CABIN1: variants seen among roughly 807,000 people sequenced by gnomAD.
CABIN1 encodes the protein calcineurin-binding protein cabin-1.
In CABIN1, 133 loss-of-function variants were observed where a neutral mutation model predicts 227.7. That is an observed-to-expected ratio of 0.58 (90% CI 0.51 to 0.67). The LOEUF is 0.67. CABIN1 is among the 30% of genes least tolerant of loss of function. The pLI is 0.00. For missense variants in CABIN1, 2,408 were observed against 2,852.5 expected (o/e 0.84, Z 3.55); for synonymous variants, 1,086 against 1,155.1 (o/e 0.94, Z 1.21).
At chr22:24,126,123 C>G (rs2043708491) in intron 28 of CABIN1, among the ~76,000 whole-genome samples, 1 of 152,194 alleles carries the variant, frequency 6.6e-6, no homozygotes, top group South Asian at 2.1e-4. Flanking sequence ...TCGTGTGCTC[C>G]CCCCAGTGTG....
At chr22:24,025,534 A>G (rs931557143) in intron 1 of CABIN1, among the ~76,000 whole-genome samples, 1 of 152,204 alleles carries the variant, frequency 6.6e-6, no homozygotes, top group Non-Finnish European at 1.5e-5. Context: ...TGCTATCCCT[A>G]TAGCCGTGAG....
rs770962925 is a variant in CABIN1, at chr22:24,171,717, C to T, written c.5762C>T (p.Ser1921Leu). ...HLGAAAQRQA[S>L]GDTPTTPKHP... ...ACCTCTTGTTTGTCCTCACAGGCCT[C>T]GGGGGACACCCCCACCACTCCAAAG... is the stretch of plus-strand genomic sequence containing the variant. Residue 1921 changes from serine to leucine, a missense_variant, in exon 34 of 37, where the codon TCG becomes TTG. Transcript: ENST00000263119. 1.1e-5 allele frequency: 17 copies of T among 1,613,948 alleles called. No homozygotes were observed. The highest frequency in any genetic ancestry group is 2.2e-5 in the East Asian group (1 of 44,890).
chr22:24,165,308 C>G (rs2046382799), intron 30 of CABIN1, among the ~76,000 whole-genome samples: 3 of 152,226 alleles, frequency 2.0e-5, no homozygotes, highest in African/African-American at 7.2e-5. Context: ...TGCAGAGGGC[C>G]TAAGGGCAAC....
chr22:24,107,595 C>G (rs1352923178), intron 26 of CABIN1, among the ~76,000 whole-genome samples: 1 of 152,252 alleles, frequency 6.6e-6, no homozygotes, highest in Non-Finnish European at 1.5e-5. Flanking sequence ...CTTGCCCACA[C>G]AGTTCCTGGT....
rs748404242 is a variant in CABIN1 at position 24,055,159 on chromosome 22, G to A, written c.1093G>A (p.Gly365Ser). ...TCTGTTGGAGACAGGCGCTCCTGTG[G>A]GTAAGCAGGCCCCCTGAATTTGGCT... ...PGLLETGAPV[G>S]DISGGDKSKK... Residue 365 changes from glycine (G) to serine (S), a missense_variant and splice_region_variant, in exon 9 of 37, where the codon GGT (glycine) becomes AGT (serine). Gly to Ser is a moderately conservative substitution (Grantham distance 56, BLOSUM62 0). Coordinates refer to ENST00000263119, the MANE Select transcript of CABIN1 (RefSeq NM_012295.4). 6.2e-7 allele frequency: 1 copy of A among 1,609,938 alleles called. No homozygotes were observed. The highest frequency in any genetic ancestry group is 1.1e-5 in the South Asian group (1 of 91,082).
At chr22:24,167,423 G>A (rs1015358370) in intron 32 of CABIN1, 110 bp downstream of exon 32, 18 of 1,002,974 alleles carry the variant, frequency 1.8e-5, no homozygotes, top group Non-Finnish European at 2.5e-5. Context: ...GCGGGTTTTA[G>A]GTGTTGTTCC....
chr22:24,109,522 A>G (rs1222026838), intron 26 of CABIN1, among the ~76,000 whole-genome samples: 2 of 151,990 alleles, frequency 1.3e-5, no homozygotes, highest in African/African-American at 2.4e-5. Flanking sequence ...AAACAAGTTT[A>G]TATGTTGTTT....
chr22:24,044,914 A>G (rs1006349678), intron 6 of CABIN1, among the ~76,000 whole-genome samples: 1 of 149,734 alleles, frequency 6.7e-6, no homozygotes, highest in Non-Finnish European at 1.5e-5. Flanking sequence ...CTGAGCCCTC[A>G]TCAGAATCAC....
intron 29 of CABIN1, among the ~76,000 whole-genome samples, chr22:24,153,272 C>T (rs1448995811): frequency 6.6e-6 from 1 of 152,204 alleles, no homozygotes; most frequent in South Asian, 2.1e-4. Context: ...CTCCTGGGCT[C>T]CTTAGGTTGG....
intron 33 of CABIN1, among the ~76,000 whole-genome samples, chr22:24,169,852 G>A (rs1383818231): frequency 1.3e-5 from 2 of 152,238 alleles, no homozygotes; most frequent in Non-Finnish European, 2.9e-5. Flanking sequence ...CTACTGAGTT[G>A]GCAGGAGCCA....
At chr22:24,019,490 A>G (rs771931915) in intron 1 of CABIN1, among the ~76,000 whole-genome samples, 19 of 151,878 alleles carry the variant, frequency 1.3e-4, no homozygotes, top group Non-Finnish European at 2.6e-4. Flanking sequence ...GCTGACCTCA[A>G]GCAATCCACC....
intron 29 of CABIN1, among the ~76,000 whole-genome samples, chr22:24,138,036 T>C (rs940852941): frequency 6.6e-6 from 1 of 152,194 alleles, no homozygotes; most frequent in Non-Finnish European, 1.5e-5. Context: ...CTAATCCCTA[T>C]CCCTCTCAAC....
At chr22:24,015,123 G>A (rs993660173) in intron 1 of CABIN1, among the ~76,000 whole-genome samples, 22 of 151,608 alleles carry the variant, frequency 1.5e-4, no homozygotes, top group African/African-American at 4.4e-4. Context: ...AAAATTAGCC[G>A]GGTGTGGTGG....
intron 15 of CABIN1, 45 bp from the exon 16 acceptor site, chr22:24,066,942 G>T (rs763224393): frequency 1.9e-5 from 30 of 1,590,340 alleles, no homozygotes; most frequent in Non-Finnish European, 2.6e-5. Context: ...GTGGGGCAGG[G>T]GCTGAGGGGT....
chr22:24,033,989 A>T (rs542111716), intron 1 of CABIN1, among the ~76,000 whole-genome samples: 3 of 151,974 alleles, frequency 2.0e-5, no homozygotes, highest in Admixed American at 2.0e-4. Flanking sequence ...TTGGAAGACA[A>T]TTTTTCCACG....
Position 24,166,631 on chromosome 22 carries a change from C to G in CABIN1, c.5008-8C>G, listed in dbSNP as rs2046462331. ...CGACACAGCTTCTTACCTTTGGTTTCTTTGTAGGGGTCAGAACGCCCAGGG... is the reference window on the plus strand; with the variant it reads ...CGACACAGCTTCTTACCTTTGGTTTGTTTGTAGGGGTCAGAACGCCCAGGG... On this transcript the variant is annotated splice_polypyrimidine_tract_variant and splice_region_variant and intron_variant, in intron 31 of 36. Coordinates refer to ENST00000263119, the MANE Select transcript of CABIN1 (RefSeq NM_012295.4). 1 of 1,612,614 alleles carries G rather than the reference C, an allele frequency of 6.2e-7. No individual in the cohort carries two copies. The highest frequency in any genetic ancestry group is 8.5e-7 in the Non-Finnish European group (1 of 1,179,918).
rs553243847 is a variant in CABIN1, at chr22:24,171,766, C to T, written c.5811C>T (p.Asn1937=). Residue 1937 remains asparagine (N), a synonymous_variant, in exon 34 of 37, where the codon AAC becomes AAT. Transcript: ENST00000263119. ...AGCACCCCAAAGACAGCCGAGAGAA[C>T]TTCTTTCCTGTGACAGTGGTGCCCA... is the stretch of plus-strand genomic sequence containing the variant. ...TPKHPKDSRE[N]FFPVTVVPTA... 6 of 1,614,206 alleles carry T rather than the reference C, an allele frequency of 3.7e-6. No homozygotes were observed. In the East Asian group the frequency reaches 1.1e-4, roughly 30 times the overall value.
At chr22:24,077,151 T>C (rs2040498140) in intron 19 of CABIN1, among the ~76,000 whole-genome samples, 1 of 152,146 alleles carries the variant, frequency 6.6e-6, no homozygotes, top group Admixed American at 6.5e-5. Flanking sequence ...CAATACCTGC[T>C]CTTTCACAAC....
chr22:24,033,272 T>C (rs1200450402), intron 1 of CABIN1, among the ~76,000 whole-genome samples: 1 of 152,238 alleles, frequency 6.6e-6, no homozygotes, highest in East Asian at 1.9e-4. Flanking sequence ...TGTGAAAGCC[T>C]GTGCTAGAAG....
Sources: gnomAD v4.1 joint callset for allele counts (sites outside exome capture counted in the v4.1 genomes callset) on GRCh38, gnomAD v4.1.1 for gene constraint, MANE v1.5 for transcripts, NCBI Gene and HGNC (gene_info 2026-07-23, HGNC 2026-07-21) for gene names.